The following NDUFV2 variants were observed in gnomAD, a reference collection of about 807,000 sequenced individuals.
NDUFV2 encodes NADH dehydrogenase [ubiquinone] flavoprotein 2, mitochondrial.
A neutral mutation model predicts 31.6 loss-of-function variants in NDUFV2; 18 were observed. The observed-to-expected ratio is 0.57, with a 90% CI of 0.39 to 0.84. The LOEUF is 0.84. Ranked by LOEUF, NDUFV2 falls within the 40% of genes least tolerant of loss-of-function variation. The pLI is 0.00. For missense variants in NDUFV2, 314 were observed against 303.6 expected (o/e 1.03, Z -0.26); for synonymous variants, 83 against 99.8 (o/e 0.83, Z 1.01).
At chr18:9,111,149 T>C (rs756172196) in intron 1 of NDUFV2, among the ~76,000 whole-genome samples, 16 of 152,284 alleles carry the variant, frequency 1.1e-4, no homozygotes, top group Non-Finnish European at 1.9e-4. Flanking sequence ...GTCAGGTGGC[T>C]AATAATAAGG....
At chr18:9,110,191 G>T in intron 1 of NDUFV2, among the ~76,000 whole-genome samples, 1 of 152,058 alleles carries the variant, frequency 6.6e-6, no homozygotes, top group Non-Finnish European at 1.5e-5. Flanking sequence ...GTTTTTTCCA[G>T]TTTTAAGCCT....
chr18:9,104,926 G>T (rs1174501952), intron 1 of NDUFV2: 1 of 1,509,122 alleles, frequency 6.6e-7, no homozygotes, highest in South Asian at 1.3e-5. Flanking sequence ...TTAACATTTT[G>T]ATGTCTACAC....
At chr18:9,119,695 T>C in intron 4 of NDUFV2, 105 bp downstream of exon 4, 1 of 987,862 alleles carries the variant, frequency 1.0e-6, no homozygotes, top group Non-Finnish European at 1.6e-6. Context: ...GAATCTAGGA[T>C]TTTGGAGCCC....
intron 6 of NDUFV2, 55 bp from the exon 7 acceptor site, chr18:9,126,776 A>G (rs979849914): frequency 4.2e-6 from 6 of 1,437,022 alleles, no homozygotes; most frequent in Admixed American, 1.7e-5. Context: ...CTCTATAAAT[A>G]TATCGATATA....
At chr18:9,130,851 C>CTGA (rs2078033960) in intron 7 of NDUFV2, among the ~76,000 whole-genome samples, 1 of 152,128 alleles carries the variant, frequency 6.6e-6, no homozygotes, top group African/African-American at 2.4e-5. Flanking sequence ...TAGTAAAAGA[C>CTGA]TGATGTCTAT....
chr18:9,120,799 A>T (rs2077929664), intron 4 of NDUFV2, among the ~76,000 whole-genome samples: 1 of 152,200 alleles, frequency 6.6e-6, no homozygotes, highest in Non-Finnish European at 1.5e-5. Flanking sequence ...TTTAAATTAA[A>T]ATAGCCAACT....
Position 9,117,632 on chromosome 18 carries a change from A to G in NDUFV2, c.55-206A>G. 4 of 515,404 alleles carry G rather than the reference A, an allele frequency of 7.8e-6. No individual in the cohort carries two copies. The South Asian group carries it at 8.9e-5, about 11-fold the overall frequency. 31.9% of individuals were successfully genotyped at this position (515,404 alleles called of 1,614,324 possible). A position where few individuals can be genotyped will look rare whatever the true frequency, so the allele number is the denominator to read the frequency against. On this transcript the variant is annotated intron_variant, in intron 1 of 7. Transcript: ENST00000318388. The stretch of plus-strand genomic sequence containing the variant: ...GTTCTCCTATTGACTCGTGTGTGTG[A>G]TGTTAGGTGGGTGAATCTTGGCTTT...
chr18:9,116,610 G>A (rs559805861), intron 1 of NDUFV2, among the ~76,000 whole-genome samples: 4 of 152,200 alleles, frequency 2.6e-5, no homozygotes, highest in East Asian at 1.9e-4. Flanking sequence ...TCTTTTGTAC[G>A]TGTGTCTCAC....
intron 1 of NDUFV2, among the ~76,000 whole-genome samples, chr18:9,114,523 A>G (rs1362650187): frequency 6.7e-6 from 1 of 149,914 alleles, no homozygotes; most frequent in Non-Finnish European, 1.5e-5. Context: ...TTTACAGGTT[A>G]TATAGTACTT....
intron 1 of NDUFV2, chr18:9,103,953 A>G (rs1418066027): frequency 3.9e-6 from 2 of 513,296 alleles, no homozygotes; most frequent in Non-Finnish European, 6.8e-6. Context: ...CTCATATTAC[A>G]GATAAGGAAA....
intron 7 of NDUFV2, among the ~76,000 whole-genome samples, chr18:9,128,780 T>G (rs1044089312): frequency 2.6e-5 from 4 of 152,224 alleles, no homozygotes; most frequent in Non-Finnish European, 5.9e-5. Flanking sequence ...AGGTTTGTAC[T>G]TCAGCCCATA....
At position 9,115,091 on chromosome 18, in the gene NDUFV2, T is replaced by C. The variant is rs2077891302; in HGVS notation, c.55-2747T>C. Among the ~76,000 whole-genome samples the C allele has an allele frequency of 2.6e-5, 4 of 152,200 alleles. No homozygotes were observed. In the South Asian group the frequency reaches 8.3e-4, roughly 32 times the overall value. On this transcript the variant is annotated intron_variant, in intron 1 of 7. Coordinates refer to ENST00000318388, the MANE Select transcript of NDUFV2 (RefSeq NM_021074.5). ...GTTTTACAATAGAGATAAGTTTTTC[T>C]TATACCTGCTGAGTGTTTTATTTTA...
At chr18:9,126,718 T>C in intron 6 of NDUFV2, 113 bp from the exon 7 acceptor site, 1 of 920,466 alleles carries the variant, frequency 1.1e-6, no homozygotes, top group Non-Finnish European at 1.8e-6. Context: ...GAGGATTGCT[T>C]AAGCCCAGGA....
chr18:9,116,127 C>A (rs1419592625), intron 1 of NDUFV2, among the ~76,000 whole-genome samples: 1 of 152,164 alleles, frequency 6.6e-6, no homozygotes, highest in Non-Finnish European at 1.5e-5. Flanking sequence ...ATGATCTCTT[C>A]AGGCTATTAG....
intron 5 of NDUFV2, among the ~76,000 whole-genome samples, chr18:9,123,012 T>A (rs988183114): frequency 6.6e-6 from 1 of 152,244 alleles, no homozygotes; most frequent in Admixed American, 6.5e-5. Flanking sequence ...TGTGGTATAT[T>A]AAAAAGTGAC....
At chr18:9,124,151 A>G (rs1378406994) in intron 5 of NDUFV2, among the ~76,000 whole-genome samples, 1 of 152,116 alleles carries the variant, frequency 6.6e-6, no homozygotes, top group East Asian at 1.9e-4. Context: ...CAAGTCCACT[A>G]AAAACTTCCT....
At chr18:9,107,094 C>T (rs567463169) in intron 1 of NDUFV2, among the ~76,000 whole-genome samples, 1 of 152,110 alleles carries the variant, frequency 6.6e-6, no homozygotes, top group South Asian at 2.1e-4. Context: ...ATGTGGTTAT[C>T]TTTGAGAGAC....
chr18:9,110,297 C>G (rs932751442), intron 1 of NDUFV2, among the ~76,000 whole-genome samples: 1 of 151,946 alleles, frequency 6.6e-6, no homozygotes, highest in African/African-American at 2.4e-5. Context: ...ATGTTTTATT[C>G]CTTTATTGAA....
chr18:9,116,297 A>T (rs2077897482), intron 1 of NDUFV2, among the ~76,000 whole-genome samples: 1 of 152,188 alleles, frequency 6.6e-6, no homozygotes, highest in South Asian at 2.1e-4. Context: ...ATAAACAGAA[A>T]ATGTTAGTGT....
Sources: allele counts gnomAD v4.1 joint callset (sites outside exome capture counted in the v4.1 genomes callset), GRCh38; gene constraint gnomAD v4.1.1; transcripts MANE v1.5; gene names NCBI Gene and HGNC (gene_info 2026-07-23, HGNC 2026-07-21).